The following SYT12 variants were observed in gnomAD, a reference collection of about 807,000 sequenced individuals.
SYT12 encodes synaptotagmin-12.
In SYT12, 27 loss-of-function variants were observed where a neutral mutation model predicts 39.5. The observed-to-expected ratio is 0.68, with a 90% CI of 0.50 to 0.94. SYT12 has a LOEUF of 0.94. SYT12 is among the 40% of genes least tolerant of loss of function. The pLI is 0.00. For synonymous variants in SYT12, 233 were observed against 239.7 expected, an observed-to-expected ratio of 0.97 and a Z score of 0.26; for missense variants, 536 against 572.6, an observed-to-expected ratio of 0.94 and a Z score of 0.65.
chr11:67,029,392 C>T (rs1047458359), intron 1 of SYT12: 4 of 152,206 alleles, frequency 2.6e-5, no homozygotes, highest in African/African-American at 7.2e-5. Flanking sequence ...CCTACTGCGT[C>T]GCCGCTGGTC....
chr11:67,039,662 G>C, intron 3 of SYT12, 149 bp from the exon 4 acceptor site: 1 of 966,912 alleles, frequency 1.0e-6, no homozygotes, highest in Non-Finnish European at 1.5e-6. Flanking sequence ...ATTAAACAGC[G>C]ACCTTCCTAG....
chr11:67,006,903 C>T (rs1173170197), exon 1 of SYT12: 2 of 152,238 alleles, frequency 1.3e-5, no homozygotes, highest in Non-Finnish European at 2.9e-5. Context: ...CATTTGGCAG[C>T]GCTGCTGCCT....
chr11:67,037,549 A>AAAT, intron 3 of SYT12, among the ~76,000 whole-genome samples: 1 of 145,774 alleles, frequency 6.9e-6, no homozygotes, highest in Non-Finnish European at 1.5e-5. Flanking sequence ...CATCTCTACC[A>AAAT]AAATAAATAA....
intron 1 of SYT12, chr11:67,029,466 A>T (rs1232672876): frequency 6.6e-6 from 1 of 152,214 alleles, no homozygotes; most frequent in Admixed American, 6.5e-5. Context: ...CAAAAACAGG[A>T]CACCCAGGAG....
Position 67,049,215 on chromosome 11 carries a change from T to G in SYT12, c.*458T>G, listed in dbSNP as rs1336875399. 6.4e-6 allele frequency: 1 copy of G among 155,696 alleles called. No homozygotes were observed. Among genetic ancestry groups the G allele is most frequent in the Non-Finnish European group, 1.4e-5 (1 of 70,288 alleles). 9.6% of individuals were successfully genotyped at this position (155,696 alleles called of 1,614,324 possible). A position where few individuals can be genotyped will look rare whatever the true frequency, so the allele number is the denominator to read the frequency against. ...TGTGGACTCAGGGGGCTCTGAGGGCTAGGGAAACAGGAAGGGCCTCTTTGA... is the reference window on the plus strand; with the variant it reads ...TGTGGACTCAGGGGGCTCTGAGGGCGAGGGAAACAGGAAGGGCCTCTTTGA... On this transcript the variant is annotated 3_prime_UTR_variant, in exon 8 of 8. Transcript: ENST00000527043.
At chr11:67,016,088 C>T (rs1470915120) in intron 3 of SYT12, among the ~76,000 whole-genome samples, 1 of 152,104 alleles carries the variant, frequency 6.6e-6, no homozygotes, top group African/African-American at 2.4e-5. Context: ...CGAGACCAGC[C>T]TGACCAACAT....
At chr11:67,036,702 G>A (rs1017545020) in intron 3 of SYT12, among the ~76,000 whole-genome samples, 2 of 152,082 alleles carry the variant, frequency 1.3e-5, no homozygotes. Flanking sequence ...TTGGGAGGCC[G>A]AGGCGGGCAG....
chr11:67,008,980 A>G (rs146355648), intron 1 of SYT12, among the ~76,000 whole-genome samples: 14 of 152,174 alleles, frequency 9.2e-5, no homozygotes, highest in Admixed American at 6.5e-4. Flanking sequence ...GGTGCCAGGT[A>G]TATAAGGACT....
intron 3 of SYT12, among the ~76,000 whole-genome samples, chr11:67,017,281 G>A (rs1445511879): frequency 2.0e-5 from 3 of 152,126 alleles, no homozygotes; most frequent in Non-Finnish European, 4.4e-5. Context: ...ATATACTTTG[G>A]GAGGCGGAGG....
At chr11:67,030,051 G>A in intron 1 of SYT12, 71 bp from the exon 2 acceptor site, 1 of 1,469,960 alleles carries the variant, frequency 6.8e-7, no homozygotes, top group Non-Finnish European at 9.4e-7. Flanking sequence ...GTGGGTGCCA[G>A]GAGGCCAGGA....
At chr11:67,009,584 G>C (rs1222298453) in intron 1 of SYT12, among the ~76,000 whole-genome samples, 2 of 152,152 alleles carry the variant, frequency 1.3e-5, no homozygotes, top group African/African-American at 4.8e-5. Flanking sequence ...GAGCCATTGT[G>C]CCCAGCCCCA....
chr11:67,036,932 G>C (rs1340574322), intron 3 of SYT12, among the ~76,000 whole-genome samples: 1 of 152,214 alleles, frequency 6.6e-6, no homozygotes, highest in Non-Finnish European at 1.5e-5. Flanking sequence ...AATTAGCCAA[G>C]TGTGGTGGCG....
intron 1 of SYT12, 102 bp from the exon 2 acceptor site, chr11:67,030,020 T>TA: frequency 5.9e-6 from 6 of 1,024,834 alleles, no homozygotes; most frequent in Non-Finnish European, 8.9e-6. Flanking sequence ...TAGCTGAGTG[T>TA]AAGCTCTGGA....
At chr11:67,038,716 T>C (rs1352307621) in intron 3 of SYT12, among the ~76,000 whole-genome samples, 3 of 151,990 alleles carry the variant, frequency 2.0e-5, no homozygotes, top group Non-Finnish European at 4.4e-5. Flanking sequence ...GGGCTGGGCG[T>C]GGTGGCTCAC....
chr11:67,045,520 C>T, intron 6 of SYT12: 1 of 608,052 alleles, frequency 1.6e-6, no homozygotes, highest in South Asian at 2.0e-5. Context: ...GGCTGTGAGG[C>T]AGCTGCCTGA....
intron 3 of SYT12, among the ~76,000 whole-genome samples, chr11:67,036,258 A>G (rs906297786): frequency 6.6e-6 from 1 of 152,046 alleles, no homozygotes; most frequent in African/African-American, 2.4e-5. Context: ...ATTTTGATAT[A>G]CTGTTGAACA....
chr11:67,035,521 A>C (rs1263098479), intron 3 of SYT12, among the ~76,000 whole-genome samples: 4 of 138,550 alleles, frequency 2.9e-5, no homozygotes, highest in Non-Finnish European at 4.6e-5. Context: ...GCAGTGGGGC[A>C]ATCTCGGCTC....
chr11:67,016,521 A>T (rs1950060881), intron 3 of SYT12, among the ~76,000 whole-genome samples: 4 of 152,230 alleles, frequency 2.6e-5, no homozygotes, highest in Admixed American at 2.6e-4. Context: ...GCCAGTTTAC[A>T]TGCTAGACTG....
chr11:67,026,559 C>T (rs189878019), intron 1 of SYT12: 194 of 152,284 alleles, frequency 1.3e-3, no homozygotes, highest in Admixed American at 2.0e-3. Flanking sequence ...AGGCCTGAGC[C>T]ACCGCGCCCG....
Sources: gnomAD v4.1 joint callset for allele counts (sites outside exome capture counted in the v4.1 genomes callset) on GRCh38, gnomAD v4.1.1 for gene constraint, MANE v1.5 for transcripts, NCBI Gene and HGNC (gene_info 2026-07-23, HGNC 2026-07-21) for gene names.